DCAF4: variants seen among roughly 807,000 people sequenced by gnomAD.
DCAF4 encodes the protein DDB1 and CUL4 associated factor 4.
A neutral mutation model predicts 60.9 loss-of-function variants in DCAF4; 37 were observed. That is an observed-to-expected ratio of 0.61 (90% confidence interval 0.47 to 0.80). DCAF4 has a LOEUF of 0.80. DCAF4 is among the 30% of genes least tolerant of loss of function. The probability of loss-of-function intolerance (pLI) is 0.00; values close to 1 mark genes in which losing one functional copy is unlikely to be tolerated. For synonymous variants in DCAF4, 243 were observed against 254.8 expected (o/e 0.95, Z 0.44); for missense variants, 577 against 650.0 (o/e 0.89, Z 1.22).
chr14:72,956,217 G>A (rs924051415), intron 12 of DCAF4, among the ~76,000 whole-genome samples, 169 bp from the exon 13 acceptor site: 9 of 152,030 alleles, frequency 5.9e-5, no homozygotes, highest in Non-Finnish European at 1.3e-4. Flanking sequence ...CACCGTGCCC[G>A]GCCTGGTTAC....
chr14:72,937,968 T>C lies in DCAF4; in HGVS notation c.-8-3T>C, dbSNP rs200764103. The C allele has an allele frequency of 5.3e-4, 848 of 1,588,366 alleles. 3 individuals are homozygous for C. The African/African-American group carries it at 0.01, about 19-fold the overall frequency. On this transcript the variant is annotated splice_region_variant and splice_polypyrimidine_tract_variant and intron_variant, in intron 1 of 13. Transcript: ENST00000358377. ...TATGGATTTTTTTGTTTTTCTCTTT[T>C]AGGAACAGAAATGAATAAAAGTCGC... is the stretch of plus-strand genomic sequence containing the variant.
chr14:72,946,090 A>C lies in DCAF4; in HGVS notation c.678+63A>C. The C allele has an allele frequency of 1.9e-6, 3 of 1,585,370 alleles. No individual in the cohort carries two copies. The South Asian group carries it at 3.3e-5, about 18-fold the overall frequency. On this transcript the variant is annotated intron_variant, in intron 7 of 13. Coordinates refer to ENST00000358377, the MANE Select transcript of DCAF4 (RefSeq NM_015604.4). Reference sequence around the variant, plus strand: ...ACCCTGGGGGTAGTTGGCCAAATTCAGGGTAGAGGAGAGCAACTGGGGAAG... The same window carrying C: ...ACCCTGGGGGTAGTTGGCCAAATTCCGGGTAGAGGAGAGCAACTGGGGAAG...
Position 72,955,609 on chromosome 14 carries a change from C to T in DCAF4, c.1092C>T (p.Ala364=). 2 of 1,614,188 alleles carry T rather than the reference C, an allele frequency of 1.2e-6. No homozygotes were observed. Among genetic ancestry groups the T allele is most frequent in the Non-Finnish European group, 1.7e-6 (2 of 1,180,022 alleles). ...GAAATCAAGGCAAGGGATGGAAGGC[C>T]ACCCGCCTGTTTCATGATTCAGCAG... is the stretch of plus-strand genomic sequence containing the variant. The part of the protein sequence containing the change: ...RCGNQGKGWK[A]TRLFHDSAVT... Residue 364 remains alanine, a synonymous_variant, in exon 12 of 14, where the codon GCC becomes GCT. Coordinates refer to ENST00000358377, the MANE Select transcript of DCAF4 (RefSeq NM_015604.4).
At chr14:72,946,315 A>G (rs1890740716) in intron 7 of DCAF4, among the ~76,000 whole-genome samples, 1 of 151,860 alleles carries the variant, frequency 6.6e-6, no homozygotes, top group Non-Finnish European at 1.5e-5. Context: ...TGAGGTGGGA[A>G]GATCACCTGA....
Position 72,952,027 on chromosome 14 carries a change from T to G in DCAF4, c.808+150T>G, listed in dbSNP as rs1011837290. 3.0e-5 allele frequency: 23 copies of G among 766,728 alleles called. No homozygotes were observed. In the Admixed American group the frequency reaches 3.2e-4, roughly 11 times the overall value. The allele number at this position is 766,728 out of a possible 1,614,324, so 47.5% of individuals were successfully genotyped here. A position where few individuals can be genotyped will look rare whatever the true frequency, so the allele number is the denominator to read the frequency against. ...AGGGTTAGTACCAGAAGCATGTGTTTTTTTTACAGCATCTGCCCCTTTTTA... is the reference window on the plus strand; with the variant it reads ...AGGGTTAGTACCAGAAGCATGTGTTGTTTTTACAGCATCTGCCCCTTTTTA... On this transcript the variant is annotated intron_variant, in intron 9 of 13. Transcript: ENST00000358377.
rs1892633321 is a variant in DCAF4 at position 72,958,822 on chromosome 14, C to G, written c.*17C>G. The G allele has an allele frequency of 6.5e-7, 1 of 1,527,742 alleles. No homozygotes were observed. Among genetic ancestry groups the G allele is most frequent in the African/African-American group, 1.4e-5 (1 of 71,902 alleles). The allele number at this position is 1,527,742 out of a possible 1,614,324, so 94.6% of individuals were successfully genotyped here. On this transcript the variant is annotated 3_prime_UTR_variant, in exon 14 of 14. Transcript: ENST00000358377. ...TACAGCTAATTCTGCAGGGCACAGC[C>G]CAGAGCCATGTGGATTTGACTTACG...
chr14:72,930,253 T>TC (rs1888375315), intron 1 of DCAF4, among the ~76,000 whole-genome samples: 1 of 151,888 alleles, frequency 6.6e-6, no homozygotes. Context: ...TTTCTTTTTT[T>TC]TTTTTGAGAC....
At chr14:72,951,662 A>G in intron 8 of DCAF4, 136 bp from the exon 9 acceptor site, 1 of 739,622 alleles carries the variant, frequency 1.4e-6, no homozygotes, top group Non-Finnish European at 2.3e-6. Context: ...TGGGCAGTGT[A>G]AACGCATGTT....
intron 1 of DCAF4, among the ~76,000 whole-genome samples, chr14:72,934,770 C>G (rs1423511548): frequency 1.3e-5 from 2 of 152,160 alleles, no homozygotes; most frequent in Non-Finnish European, 2.9e-5. Context: ...ATCGGTGCCT[C>G]CAAGCCAGGT....
chr14:72,947,687 A>G (rs1054407015), intron 8 of DCAF4, among the ~76,000 whole-genome samples: 1 of 152,160 alleles, frequency 6.6e-6, no homozygotes, highest in Non-Finnish European at 1.5e-5. Context: ...TGGTCAGGAG[A>G]GCAGGGTCCT....
At chr14:72,949,941 G>C (rs1405620651) in intron 8 of DCAF4, among the ~76,000 whole-genome samples, 1 of 152,210 alleles carries the variant, frequency 6.6e-6, no homozygotes, top group African/African-American at 2.4e-5. Context: ...GAGGAAAGCT[G>C]CATGCAGGAG....
At chr14:72,948,939 T>C (rs1029773756) in intron 8 of DCAF4, among the ~76,000 whole-genome samples, 9 of 152,232 alleles carry the variant, frequency 5.9e-5, no homozygotes, top group African/African-American at 2.2e-4. Flanking sequence ...TACTCAAAGT[T>C]TGAGTATAAA....
intron 1 of DCAF4, among the ~76,000 whole-genome samples, chr14:72,937,613 G>T (rs1402095033): frequency 6.6e-6 from 1 of 152,002 alleles, no homozygotes; most frequent in African/African-American, 2.4e-5. Context: ...TAGAGATGGG[G>T]TTTCACCATG....
At chr14:72,955,770 G>A in intron 12 of DCAF4, 74 bp downstream of exon 12, 1 of 1,414,684 alleles carries the variant, frequency 7.1e-7, no homozygotes, top group Non-Finnish European at 9.7e-7. Context: ...GGGTTCTGCT[G>A]AAGAGGTCCT....
chr14:72,946,104 C>A, intron 7 of DCAF4, 77 bp downstream of exon 7: 2 of 1,545,676 alleles, frequency 1.3e-6, no homozygotes, highest in Admixed American at 1.7e-5. Flanking sequence ...TAGAGGAGAG[C>A]AACTGGGGAA....
chr14:72,938,899 C>CATTT (rs1156312234), intron 2 of DCAF4, among the ~76,000 whole-genome samples: 3 of 151,938 alleles, frequency 2.0e-5, no homozygotes, highest in Admixed American at 1.3e-4. Context: ...GGCTACATTA[C>CATTT]ATTTATTTAT....
At chr14:72,941,661 A>G in intron 4 of DCAF4, 84 bp from the exon 5 acceptor site, 1 of 1,317,480 alleles carries the variant, frequency 7.6e-7, no homozygotes, top group Admixed American at 1.9e-5. Context: ...CCTTCATTAC[A>G]TCCTATGGAA....
In DCAF4 at chr14:72,942,687, C is replaced by T. The variant is rs115525890; in HGVS notation, c.432-307C>T. ...TGCCCTCCAGACCATTGTTTCATCT[C>T]CCGCACTTTCGTCATCTCAGGGGAA... On this transcript the variant is annotated intron_variant, in intron 5 of 13. Transcript: ENST00000358377. 931 of 300,016 alleles carry T rather than the reference C, an allele frequency of 3.1e-3. 10 individuals are homozygous for T. Among genetic ancestry groups the T allele is most frequent in the African/African-American group, 0.018 (850 of 46,250 alleles). The allele number at this position is 300,016 out of a possible 1,614,324, so 18.6% of individuals were successfully genotyped here. A position where few individuals can be genotyped will look rare whatever the true frequency, so the allele number is the denominator to read the frequency against.
At chr14:72,929,129 C>T (rs1231689162) in intron 1 of DCAF4, among the ~76,000 whole-genome samples, 2 of 150,224 alleles carry the variant, frequency 1.3e-5, no homozygotes, top group African/African-American at 4.9e-5. Flanking sequence ...CCCCACCCCG[C>T]CCGGCCTCCT....
Sources: gnomAD v4.1 joint callset for allele counts (sites outside exome capture counted in the v4.1 genomes callset) on GRCh38, gnomAD v4.1.1 for gene constraint, MANE v1.5 for transcripts, NCBI Gene and HGNC (gene_info 2026-07-23, HGNC 2026-07-21) for gene names.